The following MPHOSPH8 variants were observed in gnomAD, a reference collection of about 807,000 sequenced individuals.
The protein encoded by MPHOSPH8 is M-phase phosphoprotein, mpp.
A neutral mutation model predicts 87.3 loss-of-function variants in MPHOSPH8; 45 were observed. The observed-to-expected ratio is 0.52, with a 90% CI of 0.41 to 0.66. The LOEUF is 0.66. Ranked by LOEUF, MPHOSPH8 falls within the 30% of genes least tolerant of loss-of-function variation. The pLI, the probability that MPHOSPH8 is intolerant of heterozygous loss-of-function variation, is 0.00. For missense variants in MPHOSPH8, 883 were observed against 1,020.2 expected (o/e 0.87, Z 1.83); for synonymous variants, 366 against 376.9 (o/e 0.97, Z 0.33).
chr13:19,656,655 G>A (rs559221152), intron 5 of MPHOSPH8, among the ~76,000 whole-genome samples: 4 of 151,996 alleles, frequency 2.6e-5, no homozygotes, highest in Admixed American at 6.6e-5. Flanking sequence ...AGCTACTCGG[G>A]AGGCTGAGGC....
chr13:19,671,377 T>C, intron 13 of MPHOSPH8, 88 bp downstream of exon 13: 1 of 1,219,462 alleles, frequency 8.2e-7, no homozygotes, highest in East Asian at 2.4e-5. Context: ...ATTCCAAGAA[T>C]CCTGGTGTAC....
At chr13:19,638,681 C>T (rs965360531) in intron 1 of MPHOSPH8, among the ~76,000 whole-genome samples, 1 of 151,836 alleles carries the variant, frequency 6.6e-6, no homozygotes, top group East Asian at 1.9e-4. Context: ...CTACTCAGTG[C>T]TTGTACTTGA....
At chr13:19,665,740 A>G (rs903918419) in intron 9 of MPHOSPH8, among the ~76,000 whole-genome samples, 1 of 152,212 alleles carries the variant, frequency 6.6e-6, no homozygotes, top group South Asian at 2.1e-4. Flanking sequence ...GTAGGGAGGC[A>G]CAGGCACCCT....
intron 12 of MPHOSPH8, chr13:19,670,841 C>T: frequency 3.6e-6 from 4 of 1,099,604 alleles, no homozygotes; most frequent in Non-Finnish European, 4.7e-6. Context: ...TTTTTGAAGA[C>T]AGGGTCTCGC....
intron 11 of MPHOSPH8, among the ~76,000 whole-genome samples, chr13:19,669,127 T>C (rs1048192584): frequency 3.3e-5 from 5 of 152,174 alleles, no homozygotes; most frequent in African/African-American, 9.7e-5. Context: ...TAAGAACATA[T>C]AGCCCTGCCC....
At chr13:19,637,789 G>T (rs1026070284) in intron 1 of MPHOSPH8, among the ~76,000 whole-genome samples, 3 of 151,958 alleles carry the variant, frequency 2.0e-5, no homozygotes, top group African/African-American at 7.3e-5. Flanking sequence ...TGCCTTTACA[G>T]AAGACAGAAG....
intron 9 of MPHOSPH8, among the ~76,000 whole-genome samples, chr13:19,666,186 C>G (rs921746642): frequency 4.6e-5 from 7 of 152,200 alleles, no homozygotes; most frequent in African/African-American, 1.7e-4. Context: ...AAGATATTAA[C>G]TGAATGTAGC....
chr13:19,634,822 G>T (rs923436506), intron 1 of MPHOSPH8, among the ~76,000 whole-genome samples: 1 of 152,194 alleles, frequency 6.6e-6, no homozygotes, highest in Non-Finnish European at 1.5e-5. Context: ...TCAGTAGATG[G>T]ATGTGAGGTA....
Position 19,666,289 on chromosome 13 carries a change from C to T in MPHOSPH8, c.2020-136C>T, listed in dbSNP as rs80134116. 2,869 of 833,530 alleles carry T rather than the reference C, an allele frequency of 3.4e-3. 56 individuals are homozygous for T. The African/African-American group carries it at 0.038, about 11-fold the overall frequency. 51.6% of individuals were successfully genotyped at this position (833,530 alleles called of 1,614,324 possible). On this transcript the variant is annotated intron_variant, in intron 9 of 13. Transcript: ENST00000361479. ...ACTCCTAACGCTGTGGCCTGACGGG[C>T]CCCAAAAGTTCTCTATCCTTCTTCC... is the stretch of plus-strand genomic sequence containing the variant.
intron 9 of MPHOSPH8, among the ~76,000 whole-genome samples, chr13:19,665,856 G>T (rs980455172): frequency 2.0e-5 from 3 of 152,236 alleles, no homozygotes; most frequent in African/African-American, 7.2e-5. Flanking sequence ...TCTGTCAGCT[G>T]TGCCACAGCT....
intron 5 of MPHOSPH8, among the ~76,000 whole-genome samples, chr13:19,652,186 T>C (rs1874888163): frequency 6.6e-6 from 1 of 152,192 alleles, no homozygotes; most frequent in Admixed American, 6.5e-5. Flanking sequence ...TCAGCGAGAT[T>C]GACACAGAAA....
intron 5 of MPHOSPH8, 37 bp from the exon 6 acceptor site, chr13:19,658,957 AG>A (rs561395201): frequency 5.0e-6 from 8 of 1,592,392 alleles, no homozygotes; most frequent in Non-Finnish European, 6.0e-6. Flanking sequence ...TTTATACTTC[AG>A]ACAAATGTAT....
At chr13:19,667,800 T>C (rs1434617856) in intron 10 of MPHOSPH8, among the ~76,000 whole-genome samples, 1 of 152,256 alleles carries the variant, frequency 6.6e-6, no homozygotes, top group Admixed American at 6.5e-5. Context: ...AGGTTCATAC[T>C]TATAACACAA....
chr13:19,669,300 G>A (rs1875989173), intron 11 of MPHOSPH8, among the ~76,000 whole-genome samples: 1 of 151,240 alleles, frequency 6.6e-6, no homozygotes, highest in Admixed American at 6.6e-5. Context: ...GCCTGCCTCA[G>A]CCTCCCAAAG....
Position 19,650,120 on chromosome 13 carries a change from A to C in MPHOSPH8, c.1436A>C (p.Asp479Ala). ...ATACCACTGGATTTTAAAACCATAG[A>C]CGATCACAAAACCAAGGAAAACAAA... The part of the protein sequence containing the change: ...EEIPLDFKTI[D>A]DHKTKENKQS... The change falls in exon 5 of 14, where the codon GAC becomes GCC. Residue 479 changes from aspartate (D) to alanine (A), a missense_variant. Asp to Ala is a moderately radical substitution (Grantham distance 126). Transcript: ENST00000361479. The C allele has an allele frequency of 6.2e-7, 1 of 1,614,184 alleles. No individual in the cohort carries two copies. The highest frequency in any genetic ancestry group is 2.2e-5 in the East Asian group (1 of 44,874).
At chr13:19,653,906 T>C (rs1320873642) in intron 5 of MPHOSPH8, among the ~76,000 whole-genome samples, 2 of 152,192 alleles carry the variant, frequency 1.3e-5, no homozygotes, top group Admixed American at 6.5e-5. Context: ...TATGGAACTA[T>C]GTGCAAAGAC....
chr13:19,637,073 G>A (rs989309720), intron 1 of MPHOSPH8, among the ~76,000 whole-genome samples: 1 of 152,158 alleles, frequency 6.6e-6, no homozygotes, highest in Non-Finnish European at 1.5e-5. Flanking sequence ...AACTCAGAAG[G>A]TTCCTGAAAC....
chr13:19,659,384 C>A, intron 7 of MPHOSPH8, 95 bp downstream of exon 7: 1 of 1,071,388 alleles, frequency 9.3e-7, no homozygotes, highest in Non-Finnish European at 1.4e-6. Context: ...TTACAAAAGG[C>A]TGGGCGTGGT....
Position 19,672,168 on chromosome 13 carries a change from G to A in MPHOSPH8, c.*293G>A, listed in dbSNP as rs1369394955. On this transcript the variant is annotated 3_prime_UTR_variant, in exon 14 of 14. Coordinates refer to ENST00000361479, the MANE Select transcript of MPHOSPH8 (RefSeq NM_017520.4). The stretch of plus-strand genomic sequence containing the variant: ...CTTCACTTTCTTTTTTCTGGAGACG[G>A]AGTTTCGCTCTTGTTGCCCAGGCTG... The A allele has an allele frequency of 3.2e-6, 1 of 311,286 alleles. No homozygotes were observed. Among genetic ancestry groups the A allele is most frequent in the Non-Finnish European group, 6.0e-6 (1 of 165,748 alleles). The allele number at this position is 311,286 out of a possible 1,614,324, so 19.3% of individuals were successfully genotyped here. A position where few individuals can be genotyped will look rare whatever the true frequency, so the allele number is the denominator to read the frequency against.
Sources: gnomAD v4.1 joint callset for allele counts (sites outside exome capture counted in the v4.1 genomes callset) on GRCh38, gnomAD v4.1.1 for gene constraint, MANE v1.5 for transcripts, NCBI Gene and HGNC (gene_info 2026-07-23, HGNC 2026-07-21) for gene names.